Variants in HIPK3 observed in about 807,000 individuals in gnomAD.
The protein encoded by HIPK3 is homeodomain interacting protein kinase 3, also known as homeodomain-interacting protein kinase 3.
A neutral mutation model predicts 124.2 loss-of-function variants in HIPK3; 47 were observed. That is an observed-to-expected ratio of 0.38 (90% confidence interval 0.30 to 0.48). HIPK3 has a LOEUF of 0.48. HIPK3 is among the 20% of genes least tolerant of loss of function. HIPK3 has a pLI of 0.98. For synonymous variants in HIPK3, 482 were observed against 515.2 expected (o/e 0.94, Z 0.87); for missense variants, 1,286 against 1,454.3 (o/e 0.88, Z 1.88).
chr11:33,310,568 C>T (rs1391908653), intron 2 of HIPK3, among the ~76,000 whole-genome samples: 1 of 152,084 alleles, frequency 6.6e-6, no homozygotes, highest in Admixed American at 6.5e-5. Context: ...CTTGGCCTCC[C>T]AGAGTACTTG....
intron 1 of HIPK3, among the ~76,000 whole-genome samples, chr11:33,273,540 A>G (rs1192028818): frequency 6.8e-6 from 1 of 147,740 alleles, no homozygotes; most frequent in Non-Finnish European, 1.5e-5. Context: ...AAAAAAAAAG[A>G]AGATTTTGGA....
chr11:33,280,864 T>C (rs1031414234), intron 1 of HIPK3, among the ~76,000 whole-genome samples: 5 of 152,140 alleles, frequency 3.3e-5, no homozygotes, highest in African/African-American at 1.2e-4. Flanking sequence ...TTTTTCAGAC[T>C]TGGGGGCCCT....
intron 3 of HIPK3, among the ~76,000 whole-genome samples, chr11:33,332,434 A>G (rs1207179845): frequency 6.6e-6 from 1 of 152,200 alleles, no homozygotes; most frequent in Admixed American, 6.5e-5. Context: ...GGGACATATC[A>G]AAAGTATTCT....
At position 33,281,173 on chromosome 11, in the gene HIPK3, G is replaced by A. The variant is rs542871124; in HGVS notation, c.-2-5240G>A. On this transcript the variant is annotated intron_variant, in intron 1 of 16. Transcript: ENST00000303296. Reference sequence around the variant, plus strand: ...CAACCTCCACCTCCTGGGTTCAAGCGATTCTCCTGTCTCAGCCTCCCGAGT... The same window carrying A: ...CAACCTCCACCTCCTGGGTTCAAGCAATTCTCCTGTCTCAGCCTCCCGAGT... Among the ~76,000 whole-genome samples, 8 of 147,938 alleles carry A rather than the reference G, an allele frequency of 5.4e-5. No homozygotes were observed. The South Asian group carries it at 1.8e-3, about 32-fold the overall frequency.
intron 5 of HIPK3, 22 bp downstream of exon 5, chr11:33,338,865 G>A (rs1225965340): frequency 6.5e-7 from 1 of 1,548,480 alleles, no homozygotes; most frequent in Non-Finnish European, 8.9e-7. Context: ...AGCCACATTT[G>A]TTCATCTTAC....
chr11:33,321,656 A>T (rs1180309190), intron 2 of HIPK3, among the ~76,000 whole-genome samples: 2 of 152,180 alleles, frequency 1.3e-5, no homozygotes, highest in Admixed American at 1.3e-4. Context: ...AGTGAGGATG[A>T]GGAGGAGGTG....
chr11:33,292,441 T>C (rs1024781420), intron 2 of HIPK3, among the ~76,000 whole-genome samples: 4 of 152,024 alleles, frequency 2.6e-5, no homozygotes, highest in South Asian at 2.1e-4. Context: ...CAGGGTGATA[T>C]AGGAACCCAA....
intron 6 of HIPK3, 102 bp from the exon 7 acceptor site, chr11:33,340,865 AT>A (rs947969408): frequency 1.6e-6 from 1 of 636,466 alleles, no homozygotes; most frequent in Non-Finnish European, 2.5e-6. Flanking sequence ...GCAAATTAGG[AT>A]TTTTTTCTTT....
intron 1 of HIPK3, among the ~76,000 whole-genome samples, chr11:33,263,692 A>G (rs895035431): frequency 6.6e-6 from 1 of 152,214 alleles, no homozygotes; most frequent in South Asian, 2.1e-4. Context: ...GGAAAGATTA[A>G]GTCAGTAGCC....
At chr11:33,343,247 TTGTGTGTGTGTG>T (rs3884092) in intron 8 of HIPK3, among the ~76,000 whole-genome samples, 66 of 141,496 alleles carry the variant, frequency 4.7e-4, no homozygotes, top group Non-Finnish European at 6.8e-4. Flanking sequence ...TTATTTGATT[TTGTGTGTGTGTG>T]TGTGTGTGTG....
At chr11:33,266,769 T>A (rs1850976535) in intron 1 of HIPK3, among the ~76,000 whole-genome samples, 1 of 152,198 alleles carries the variant, frequency 6.6e-6, no homozygotes, top group Non-Finnish European at 1.5e-5. Flanking sequence ...TCATTTTTTT[T>A]TAAACTTTGC....
At chr11:33,343,587 T>G (rs1853408200) in intron 8 of HIPK3, among the ~76,000 whole-genome samples, 1 of 152,134 alleles carries the variant, frequency 6.6e-6, no homozygotes, top group African/African-American at 2.4e-5. Context: ...GCCTCTGATT[T>G]TTTAATTTTA....
At chr11:33,275,992 A>G (rs780928635) in intron 1 of HIPK3, among the ~76,000 whole-genome samples, 8 of 152,214 alleles carry the variant, frequency 5.3e-5, no homozygotes, top group African/African-American at 1.2e-4. Context: ...TGTTCAAGAA[A>G]GACATTGTTT....
At chr11:33,260,445 T>C (rs982961322) in intron 1 of HIPK3, among the ~76,000 whole-genome samples, 8 of 152,242 alleles carry the variant, frequency 5.3e-5, no homozygotes, top group Admixed American at 3.9e-4. Context: ...TCAGACCTGA[T>C]TCACATCCAT....
chr11:33,323,773 A>C (rs1852732498), intron 2 of HIPK3, among the ~76,000 whole-genome samples: 1 of 152,374 alleles, frequency 6.6e-6, no homozygotes, highest in Admixed American at 6.5e-5. Flanking sequence ...GCAAAAAATT[A>C]AAAAGGAAAA....
In HIPK3 at chr11:33,328,415, CCT is replaced by C; in HGVS notation, c.1098-92_1098-91del. On this transcript the variant is annotated intron_variant, in intron 2 of 16. Transcript: ENST00000303296. The stretch of plus-strand genomic sequence containing the variant: ...GAGTTCCTATACATAGAATGTGATA[CCT>C]CTGTCATTTTACCAACTTCCTAGAA... 3.3e-6 allele frequency: 4 copies of C among 1,195,694 alleles called. No individual in the cohort carries two copies. In the South Asian group the frequency reaches 5.2e-5, roughly 15 times the overall value. 74.1% of individuals were successfully genotyped at this position (1,195,694 alleles called of 1,614,324 possible). A position where few individuals can be genotyped will look rare whatever the true frequency, so the allele number is the denominator to read the frequency against.
At chr11:33,342,021 T>C (rs1853349836) in intron 8 of HIPK3, among the ~76,000 whole-genome samples, 1 of 143,708 alleles carries the variant, frequency 7.0e-6, no homozygotes, top group Admixed American at 7.6e-5. Flanking sequence ...AAATGGAGGT[T>C]GAAGCTGGAA....
intron 1 of HIPK3, among the ~76,000 whole-genome samples, chr11:33,280,034 G>T (rs1459719523): frequency 1.3e-5 from 2 of 152,002 alleles, no homozygotes; most frequent in African/African-American, 2.4e-5. Flanking sequence ...GAGGGGAGGT[G>T]GGGGGGACAC....
chr11:33,355,657 TTAA>T lies in HIPK3; in HGVS notation c.*2094_*2096del. 1 of 152,024 alleles carries T rather than the reference TTAA, an allele frequency of 6.6e-6. No homozygotes were observed. Among genetic ancestry groups the T allele is most frequent in the Non-Finnish European group, 1.5e-5 (1 of 67,898 alleles). The allele number at this position is 152,024 out of a possible 1,614,324, so 9.4% of individuals were successfully genotyped here. A position where few individuals can be genotyped will look rare whatever the true frequency, so the allele number is the denominator to read the frequency against. On this transcript the variant is annotated 3_prime_UTR_variant, in exon 17 of 17. Transcript: ENST00000303296. ...TCCATTAACACAAGCAGTGTTTTATTTAATAATCATCAATGAAATAAATGTGCC... is the reference window on the plus strand; with the variant it reads ...TCCATTAACACAAGCAGTGTTTTATTTAATCATCAATGAAATAAATGTGCC...
Sources: allele counts gnomAD v4.1 joint callset (sites outside exome capture counted in the v4.1 genomes callset), GRCh38; gene constraint gnomAD v4.1.1; transcripts MANE v1.5; gene names NCBI Gene and HGNC (gene_info 2026-07-23, HGNC 2026-07-21).